The following EPRS1 variants were observed in gnomAD, a reference collection of about 807,000 sequenced individuals.
EPRS1 encodes glutamyl-prolyl-tRNA synthetase 1.
In EPRS1, 107 loss-of-function variants were observed where a neutral mutation model predicts 188.3. The ratio of observed to expected loss-of-function variants is 0.57; its 90% CI spans 0.49 to 0.67. The LOEUF (loss-of-function observed/expected upper bound fraction) is 0.67, where lower values mean the gene tolerates loss of function less well. Among genes scored for constraint, EPRS1 ranks in the 30% least tolerant of loss-of-function variants. EPRS1 has a pLI of 0.00. For missense variants in EPRS1, 1,577 were observed against 1,802.2 expected (o/e 0.88, Z 2.26); for synonymous variants, 596 against 593.1 (o/e 1.00, Z -0.07).
intron 6 of EPRS1, among the ~76,000 whole-genome samples, chr1:220,028,849 A>T (rs1662034893): frequency 6.6e-6 from 1 of 152,172 alleles, no homozygotes; most frequent in South Asian, 2.1e-4. Flanking sequence ...ATAGTAATTA[A>T]AGAAAAACTC....
chr1:220,025,109 G>T (rs767452860), intron 7 of EPRS1, 23 bp downstream of exon 7: 3 of 1,607,102 alleles, frequency 1.9e-6, no homozygotes, highest in Admixed American at 1.7e-5. Context: ...CTGGCAAAGG[G>T]TCATCACTAC....
At chr1:220,005,191 T>G in intron 16 of EPRS1, 57 bp downstream of exon 16, 1 of 667,250 alleles carries the variant, frequency 1.5e-6, no homozygotes, top group Non-Finnish European at 2.5e-6. Context: ...TCTAAAATAT[T>G]ACTCACTATA....
intron 10 of EPRS1, 28 bp downstream of exon 10, chr1:220,019,960 T>C (rs1387517988): frequency 6.8e-7 from 1 of 1,480,556 alleles, no homozygotes; most frequent in South Asian, 1.1e-5. Flanking sequence ...CCTTACTTCT[T>C]GTCAATTCTA....
chr1:220,046,300 T>A, intron 1 of EPRS1, 43 bp downstream of exon 1: 2 of 1,613,232 alleles, frequency 1.2e-6, no homozygotes, highest in Non-Finnish European at 1.7e-6. Flanking sequence ...GCACCCTCCC[T>A]GGCTGATGCA....
intron 1 of EPRS1, among the ~76,000 whole-genome samples, 157 bp from the exon 2 acceptor site, chr1:220,040,426 T>C (rs1558063569): frequency 6.6e-6 from 1 of 152,250 alleles, no homozygotes; most frequent in Admixed American, 6.5e-5. Context: ...TGTAGTCTTT[T>C]GTCTCAGAGC....
At chr1:220,026,842 T>C (rs1002237436) in intron 6 of EPRS1, among the ~76,000 whole-genome samples, 1 of 152,012 alleles carries the variant, frequency 6.6e-6, no homozygotes, top group African/African-American at 2.4e-5. Flanking sequence ...TTGATCTCAG[T>C]TGATATCCAT....
chr1:219,986,783 A>ATATG, intron 20 of EPRS1, among the ~76,000 whole-genome samples: 1 of 150,274 alleles, frequency 6.7e-6, no homozygotes, highest in Admixed American at 6.7e-5. Flanking sequence ...GAAAATATGT[A>ATATG]TGTGTGTGTG....
At chr1:220,032,278 C>T (rs1662100507) in intron 5 of EPRS1, 109 bp downstream of exon 5, 5 of 738,928 alleles carry the variant, frequency 6.8e-6, no homozygotes, top group African/African-American at 1.9e-5. Flanking sequence ...AGCAGAGATG[C>T]GGTTTCACCG....
In EPRS1 at chr1:220,022,356, T is replaced by A. The variant is rs780552377; in HGVS notation, c.1106A>T (p.Asn369Ile). 3.1e-6 allele frequency: 5 copies of A among 1,612,928 alleles called. No homozygotes were observed. The South Asian group carries it at 4.4e-5, about 14-fold the overall frequency. ...AAGGAGATATACTTACTTGTATTTA[T>A]TTCCAGTTCTTGGATGTGGTTGAAT... The part of the protein sequence containing the change: ...CKIQPHPRTG[N>I]KYNVYPTYDF... The change falls in exon 9 of 32, where the codon AAT (asparagine) becomes ATT (isoleucine). Residue 369 changes from asparagine (N) to isoleucine (I), a missense_variant. This residue lies in a region of EPRS1 where 1,278 missense variants were observed against 1,457.4 expected (regional missense o/e 0.88). Transcript: ENST00000366923.
chr1:219,979,642 TCA>T, intron 26 of EPRS1, 27 bp from the exon 27 acceptor site: 2 of 1,488,296 alleles, frequency 1.3e-6, no homozygotes, highest in Non-Finnish European at 1.9e-6. Context: ...AAAATAAGCT[TCA>T]TTTTTAATAA....
intron 6 of EPRS1, among the ~76,000 whole-genome samples, chr1:220,030,019 C>T (rs1662056269): frequency 6.6e-6 from 1 of 152,082 alleles, no homozygotes; most frequent in South Asian, 2.1e-4. Context: ...ACTTCAACTG[C>T]TAATTAAAAG....
At position 219,997,111 on chromosome 1, in the gene EPRS1, G is replaced by T; in HGVS notation, c.2413C>A (p.Pro805Thr). ...GAAATATTCTGTCCTATTTCAGCAG[G>T]AGGGTTTCCAGGTTTATATTCCTGG... ...TGQEYKPGNP[P>T]AEIGQNISSN... The change falls in exon 18 of 32, where the codon CCT becomes ACT. Residue 805 changes from proline (P) to threonine (T), a missense_variant. Pro to Thr is a conservative substitution (Grantham distance 38). Transcript: ENST00000366923. 4 of 1,614,068 alleles carry T rather than the reference G, an allele frequency of 2.5e-6. No individual in the cohort carries two copies. The South Asian group carries it at 3.3e-5, about 13-fold the overall frequency.
At chr1:219,992,214 A>G (rs1318893046) in intron 18 of EPRS1, among the ~76,000 whole-genome samples, 2 of 152,176 alleles carry the variant, frequency 1.3e-5, no homozygotes, top group Admixed American at 6.5e-5. Flanking sequence ...TTAAAAAACA[A>G]TAACATTGGT....
intron 12 of EPRS1, 91 bp from the exon 13 acceptor site, chr1:220,011,147 C>T: frequency 1.4e-6 from 1 of 698,770 alleles, no homozygotes. Context: ...TACTAACTGG[C>T]TTTCTTGTTA....
chr1:220,038,639 A>G (rs1662234205), intron 2 of EPRS1, among the ~76,000 whole-genome samples: 1 of 152,062 alleles, frequency 6.6e-6, no homozygotes. Flanking sequence ...CGGCCTCCCA[A>G]AGTGCTAGGA....
chr1:220,009,189 C>T (rs889056407), intron 13 of EPRS1, among the ~76,000 whole-genome samples: 17 of 152,114 alleles, frequency 1.1e-4, no homozygotes, highest in Non-Finnish European at 2.4e-4. Flanking sequence ...ACTAAACGCG[C>T]ACCCCAAATC....
intron 12 of EPRS1, 150 bp from the exon 13 acceptor site, chr1:220,011,206 C>A: frequency 2.0e-6 from 1 of 508,376 alleles, no homozygotes; most frequent in Non-Finnish European, 3.5e-6. Flanking sequence ...CTGATATTTA[C>A]CATTAAGCAG....
At chr1:219,970,777 C>CA (rs35656997) in intron 30 of EPRS1, among the ~76,000 whole-genome samples, 9,190 of 131,302 alleles carry the variant, frequency 0.07, 417 homozygotes, top group East Asian at 0.19. Context: ...GACCCTGTAC[C>CA]AAAAAAAAAA....
rs753928231 is a variant in EPRS1, at chr1:220,018,981, A to G, written c.1434+14T>C. The G allele has an allele frequency of 6.3e-7, 1 of 1,581,946 alleles. No individual in the cohort carries two copies. Among genetic ancestry groups the G allele is most frequent in the Non-Finnish European group, 8.7e-7 (1 of 1,151,522 alleles). ...ATTTCAAACAGACAAGCTGGAAAAG[A>G]AACTGTAACGCACCTGAGCAGCAAT... is the stretch of plus-strand genomic sequence containing the variant. On this transcript the variant is annotated intron_variant, in intron 11 of 31. Coordinates refer to ENST00000366923, the MANE Select transcript of EPRS1 (RefSeq NM_004446.3).
Sources: allele counts gnomAD v4.1 joint callset (sites outside exome capture counted in the v4.1 genomes callset), GRCh38; gene constraint gnomAD v4.1.1; regional missense constraint gnomAD v4.1.1; transcripts MANE v1.5; gene names NCBI Gene and HGNC (gene_info 2026-07-23, HGNC 2026-07-21).